Variants in FGF14 observed in about 807,000 individuals in gnomAD.
FGF14 encodes the protein fibroblast growth factor homologous factor 4.
A neutral mutation model predicts 25.5 loss-of-function variants in FGF14; 5 were observed. That is an observed-to-expected ratio of 0.20 (90% CI 0.10 to 0.41). The LOEUF is 0.41. Among genes scored for constraint, FGF14 ranks in the 10% least tolerant of loss-of-function variants. The pLI is 1.00. For missense variants in FGF14, 222 were observed against 320.1 expected (o/e 0.69, Z 2.34); for synonymous variants, 138 against 118.3 (o/e 1.17, Z -1.08).
intron 1 of FGF14, among the ~76,000 whole-genome samples, chr13:102,252,849 G>A (rs1369042523): frequency 6.6e-6 from 1 of 152,028 alleles, no homozygotes; most frequent in African/African-American, 2.4e-5. Flanking sequence ...GTCACTGTGT[G>A]TAATGTTCCC....
chr13:101,813,765 T>G (rs765420445), intron 3 of FGF14, among the ~76,000 whole-genome samples: 1 of 152,212 alleles, frequency 6.6e-6, no homozygotes, highest in South Asian at 2.1e-4. Context: ...GTATTTGAAT[T>G]GCATTACCTC....
chr13:101,888,773 G>C (rs1457766639), intron 1 of FGF14, among the ~76,000 whole-genome samples: 1 of 152,100 alleles, frequency 6.6e-6, no homozygotes, highest in Non-Finnish European at 1.5e-5. Flanking sequence ...TTCTGATATA[G>C]AGCACAACAA....
chr13:102,226,450 T>C (rs991861256), intron 1 of FGF14, among the ~76,000 whole-genome samples: 1 of 152,234 alleles, frequency 6.6e-6, no homozygotes, highest in Non-Finnish European at 1.5e-5. Context: ...ATAATGCCTA[T>C]TTCAATATTC....
chr13:102,119,688 ATATG>A lies in FGF14; in HGVS notation c.209-244396_209-244393del, dbSNP rs1270754384. 1.3e-4 allele frequency among the ~76,000 whole-genome samples: 20 copies of A among 152,342 alleles called. No individual in the cohort carries two copies. The South Asian group carries it at 1.9e-3, about 14-fold the overall frequency. ...TCACGCACACATAAAAGTATGTTAT[ATATG>A]TATGTATGTGCACACACGTGTGTTC... On this transcript the variant is annotated intron_variant, in intron 1 of 4. Coordinates refer to the FGF14 transcript ENST00000376131.
At chr13:102,061,695 C>T (rs2042697177) in intron 1 of FGF14, among the ~76,000 whole-genome samples, 1 of 152,156 alleles carries the variant, frequency 6.6e-6, no homozygotes, top group Non-Finnish European at 1.5e-5. Flanking sequence ...GAATAGAAGG[C>T]AGAACTGACA....
intron 1 of FGF14, among the ~76,000 whole-genome samples, chr13:102,372,568 A>T (rs2057917604): frequency 6.6e-6 from 1 of 152,106 alleles, no homozygotes; most frequent in African/African-American, 2.4e-5. Flanking sequence ...TATATTCTTA[A>T]AGAGACCCAT....
chr13:101,745,147 C>A (rs2036805215), intron 3 of FGF14, among the ~76,000 whole-genome samples: 2 of 152,004 alleles, frequency 1.3e-5, no homozygotes, highest in South Asian at 4.1e-4. Flanking sequence ...GCTGGGTGAA[C>A]TACATAGCAC....
chr13:101,769,499 C>T (rs2038622825), intron 3 of FGF14, among the ~76,000 whole-genome samples: 1 of 152,142 alleles, frequency 6.6e-6, no homozygotes, highest in African/African-American at 2.4e-5. Context: ...CGAAAACCTG[C>T]ATGCAAATAT....
intron 1 of FGF14, among the ~76,000 whole-genome samples, chr13:101,955,535 T>C (rs2036459627): frequency 6.6e-6 from 1 of 152,224 alleles, no homozygotes; most frequent in Non-Finnish European, 1.5e-5. Flanking sequence ...GAAAATGGTT[T>C]AAAAATATTA....
At chr13:101,764,433 T>A (rs1887697) in intron 3 of FGF14, among the ~76,000 whole-genome samples, 1 of 152,044 alleles carries the variant, frequency 6.6e-6, no homozygotes. Context: ...GTGAATGTGA[T>A]GGAAAATTGA....
chr13:101,976,856 A>G (rs1210842516), intron 1 of FGF14, among the ~76,000 whole-genome samples: 1 of 152,222 alleles, frequency 6.6e-6, no homozygotes, highest in Non-Finnish European at 1.5e-5. Context: ...TGATCAGCAG[A>G]TATCGCATAC....
intron 1 of FGF14, among the ~76,000 whole-genome samples, chr13:102,350,874 T>C (rs974408385): frequency 6.6e-6 from 1 of 152,180 alleles, no homozygotes; most frequent in African/African-American, 2.4e-5. Flanking sequence ...ATAAGCGTGG[T>C]CACTGGACAC....
At chr13:102,073,696 AACAATC>A (rs2043238942) in intron 1 of FGF14, among the ~76,000 whole-genome samples, 1 of 152,216 alleles carries the variant, frequency 6.6e-6, no homozygotes. Context: ...AAAAAGCAAT[AACAATC>A]AAATGGAAGA....
Position 102,369,767 on chromosome 13 carries a change from T to C in FGF14, c.208+31704A>G, listed in dbSNP as rs1336667. On this transcript the variant is annotated intron_variant, in intron 1 of 4. Transcript: ENST00000376131. ...AACAGAAAAATAATGCATAGGAATATATAATTTATGTTACATTTAAATAGT... is the reference window on the plus strand; with the variant it reads ...AACAGAAAAATAATGCATAGGAATACATAATTTATGTTACATTTAAATAGT... 5.5e-3 allele frequency among the ~76,000 whole-genome samples: 838 copies of C among 152,276 alleles called. 11 individuals carry two copies. Among genetic ancestry groups the C allele is most frequent in the African/African-American group, 0.019 (799 of 41,562 alleles).
intron 1 of FGF14, among the ~76,000 whole-genome samples, chr13:102,056,808 T>C (rs1295846087): frequency 6.7e-6 from 1 of 149,128 alleles, no homozygotes; most frequent in Middle Eastern, 3.3e-3. Context: ...CTAAAATGAA[T>C]ATATATTTAT....
intron 1 of FGF14, among the ~76,000 whole-genome samples, chr13:101,930,454 T>C (rs919192233): frequency 8.5e-5 from 13 of 152,222 alleles, no homozygotes; most frequent in African/African-American, 3.1e-4. Context: ...AATACTGTAT[T>C]GATAAACACA....
chr13:101,935,916 T>C (rs1051879078), intron 1 of FGF14, among the ~76,000 whole-genome samples: 5 of 152,184 alleles, frequency 3.3e-5, no homozygotes, highest in African/African-American at 1.2e-4. Flanking sequence ...TAGGTGAGAT[T>C]AGAGATTTTT....
upstream of FGF14, among the ~76,000 whole-genome samples, chr13:101,917,466 G>A (rs2033649938): frequency 6.6e-6 from 1 of 152,196 alleles, no homozygotes; most frequent in Non-Finnish European, 1.5e-5. Context: ...ACATCGGGGC[G>A]CTTTTTCTTA....
intron 1 of FGF14, among the ~76,000 whole-genome samples, chr13:101,949,722 G>A (rs2036035815): frequency 6.6e-6 from 1 of 152,108 alleles, no homozygotes. Context: ...TGCTTGCTGT[G>A]GGATACACTA....
Sources: allele counts gnomAD v4.1 joint callset (sites outside exome capture counted in the v4.1 genomes callset), GRCh38; gene constraint gnomAD v4.1.1; transcripts MANE v1.5; gene names NCBI Gene and HGNC (gene_info 2026-07-23, HGNC 2026-07-21).